Variants in PTPRT observed in about 807,000 individuals in gnomAD.
PTPRT encodes receptor-type tyrosine-protein phosphatase T.
A neutral mutation model predicts 176.8 loss-of-function variants in PTPRT; 56 were observed. The ratio of observed to expected loss-of-function variants is 0.32; its 90% CI spans 0.26 to 0.40. The LOEUF is 0.40. Among genes scored for constraint, PTPRT ranks in the 10% least tolerant of loss-of-function variants. The probability of loss-of-function intolerance (pLI) is 1.00; values close to 1 mark genes in which losing one functional copy is unlikely to be tolerated. For synonymous variants in PTPRT, 783 were observed against 739.0 expected, an observed-to-expected ratio of 1.06 and a Z score of -0.96; for missense variants, 1,540 against 1,908.2, an observed-to-expected ratio of 0.81 and a Z score of 3.60.
intron 2 of PTPRT, among the ~76,000 whole-genome samples, chr20:42,857,353 T>G (rs942585850): frequency 2.0e-5 from 3 of 152,236 alleles, no homozygotes; most frequent in Non-Finnish European, 4.4e-5. Flanking sequence ...GAGTAAGTCC[T>G]AGCTCTGCTC....
At chr20:42,903,849 G>C (rs1262451292) in intron 1 of PTPRT, among the ~76,000 whole-genome samples, 1 of 152,180 alleles carries the variant, frequency 6.6e-6, no homozygotes, top group Non-Finnish European at 1.5e-5. Flanking sequence ...AATTACAGCT[G>C]AACTAGCACG....
chr20:42,278,318 G>T (rs1001172945), intron 13 of PTPRT, among the ~76,000 whole-genome samples: 1 of 129,990 alleles, frequency 7.7e-6, no homozygotes, highest in South Asian at 2.2e-4. Flanking sequence ...AGTAGCCAAA[G>T]CATTTCAGAG....
chr20:42,343,872 C>T (rs1344824993), intron 11 of PTPRT, among the ~76,000 whole-genome samples: 1 of 146,312 alleles, frequency 6.8e-6, no homozygotes, highest in Non-Finnish European at 1.6e-5. Flanking sequence ...CACTCTTTGC[C>T]TCAACAGCTT....
chr20:43,111,975 T>C (rs548392265), intron 1 of PTPRT, among the ~76,000 whole-genome samples: 105 of 152,296 alleles, frequency 6.9e-4, no homozygotes, highest in African/African-American at 2.3e-3. Flanking sequence ...AGGCAGGACA[T>C]TTAACATTTC....
chr20:42,318,071 G>C (rs890335270), intron 11 of PTPRT, among the ~76,000 whole-genome samples: 2 of 152,216 alleles, frequency 1.3e-5, no homozygotes, highest in African/African-American at 4.8e-5. Context: ...TGAGTGTTTA[G>C]ACTTCTAAAT....
intron 1 of PTPRT, among the ~76,000 whole-genome samples, chr20:43,081,787 A>C (rs2011450983): frequency 6.6e-6 from 1 of 152,094 alleles, no homozygotes; most frequent in Admixed American, 6.5e-5. Context: ...TGGGATTGTT[A>C]ATTGTGTTTT....
intron 7 of PTPRT, among the ~76,000 whole-genome samples, chr20:42,473,624 C>A (rs1179617592): frequency 2.0e-5 from 3 of 152,068 alleles, no homozygotes; most frequent in Non-Finnish European, 4.4e-5. Context: ...TGGGCCTACA[C>A]CATGCTTGGC....
At chr20:43,022,496 C>T (rs530385585) in intron 1 of PTPRT, among the ~76,000 whole-genome samples, 7 of 152,266 alleles carry the variant, frequency 4.6e-5, no homozygotes, top group African/African-American at 1.7e-4. Flanking sequence ...TCCTTTTTAA[C>T]TGAGGTCCAA....
At chr20:43,092,439 A>G (rs1456411436) in intron 1 of PTPRT, among the ~76,000 whole-genome samples, 8 of 152,226 alleles carry the variant, frequency 5.3e-5, no homozygotes, top group African/African-American at 1.9e-4. Flanking sequence ...TGTAGTATTT[A>G]GAACTGTATT....
intron 7 of PTPRT, among the ~76,000 whole-genome samples, chr20:42,618,255 G>A: frequency 7.8e-6 from 1 of 128,872 alleles, no homozygotes; most frequent in East Asian, 2.0e-4. Flanking sequence ...GCGGCTTTGA[G>A]TGAGATTCTT....
intron 7 of PTPRT, among the ~76,000 whole-genome samples, chr20:42,577,168 T>G (rs1233917212): frequency 1.3e-5 from 2 of 152,160 alleles, no homozygotes; most frequent in African/African-American, 4.8e-5. Flanking sequence ...CAGGTTAATG[T>G]CAACAATCGC....
chr20:43,068,507 A>AC lies in PTPRT; in HGVS notation c.88+121138_88+121139insG, dbSNP rs1304242074. On this transcript the variant is annotated intron_variant, in intron 1 of 30. Coordinates refer to ENST00000373187, the MANE Select transcript of PTPRT (RefSeq NM_007050.6). ...GCAACAGAGAGAGACTCTGTCTCAA[A>AC]AAAAAAAAAAAAAAAAAGCCAATTA... 9.7e-4 allele frequency among the ~76,000 whole-genome samples: 141 copies of AC among 145,926 alleles called. 1 individual carries two copies. The highest frequency in any genetic ancestry group is 3.7e-3 in the African/African-American group (137 of 37,284).
At chr20:42,638,129 A>C (rs1009236557) in intron 7 of PTPRT, among the ~76,000 whole-genome samples, 1 of 152,154 alleles carries the variant, frequency 6.6e-6, no homozygotes, top group Non-Finnish European at 1.5e-5. Context: ...TTATCAGCAC[A>C]CTACTGATTC....
rs190773934 is a variant in PTPRT, at chr20:42,260,069, G to T, written c.2177-11247C>A. Among the ~76,000 whole-genome samples the T allele has an allele frequency of 2.6e-5, 4 of 152,344 alleles. 1 individual carries two copies. In the East Asian group the frequency reaches 7.7e-4, roughly 29 times the overall value. ...ACTGTCTTGGAACTCACTACTTAGG[G>T]GGAGAGGAAAGTGCAAACTAAAAAT... On this transcript the variant is annotated intron_variant, in intron 13 of 30. Coordinates refer to ENST00000373187, the MANE Select transcript of PTPRT (RefSeq NM_007050.6).
intron 2 of PTPRT, among the ~76,000 whole-genome samples, chr20:42,810,327 G>A (rs530472201): frequency 5.9e-5 from 9 of 152,190 alleles, no homozygotes; most frequent in Non-Finnish European, 1.0e-4. Context: ...AATAAAATAA[G>A]AGAGTGCGAG....
intron 6 of PTPRT, among the ~76,000 whole-genome samples, chr20:42,728,481 A>G (rs1038863009): frequency 2.0e-5 from 3 of 152,196 alleles, no homozygotes; most frequent in Admixed American, 1.3e-4. Context: ...TTTGAAACCC[A>G]GTCTCTGAAG....
At chr20:43,074,961 G>A (rs998488794) in intron 1 of PTPRT, among the ~76,000 whole-genome samples, 7 of 152,176 alleles carry the variant, frequency 4.6e-5, no homozygotes, top group South Asian at 2.1e-4. Flanking sequence ...CTTCAACTGC[G>A]AAAGCACACA....
intron 1 of PTPRT, among the ~76,000 whole-genome samples, chr20:42,941,188 A>G (rs1164766912): frequency 6.6e-6 from 1 of 152,104 alleles, no homozygotes; most frequent in African/African-American, 2.4e-5. Flanking sequence ...TCTGGTCCTC[A>G]GCAAAATAAA....
intron 1 of PTPRT, among the ~76,000 whole-genome samples, chr20:43,090,473 T>C (rs1320842460): frequency 1.3e-5 from 2 of 152,144 alleles, no homozygotes; most frequent in East Asian, 3.9e-4. Flanking sequence ...TTTCACCGTT[T>C]TAGCCAGGAT....
Sources: gnomAD v4.1 joint callset for allele counts (sites outside exome capture counted in the v4.1 genomes callset) on GRCh38, gnomAD v4.1.1 for gene constraint, MANE v1.5 for transcripts, NCBI Gene and HGNC (gene_info 2026-07-23, HGNC 2026-07-21) for gene names.